Variants in C13orf42 observed in about 807,000 individuals in gnomAD.
C13orf42 encodes the protein chromosome 13 open reading frame 42, also known as uncharacterized protein C13orf42.
chr13:51,126,985 T>C (rs1211398958), intron 1 of C13orf42, among the ~76,000 whole-genome samples: 1 of 152,058 alleles, frequency 6.6e-6, no homozygotes, highest in Non-Finnish European at 1.5e-5. Flanking sequence ...TGTAACATGA[T>C]GAAACCCTTC....
At chr13:51,127,407 G>A (rs1175344324) in intron 1 of C13orf42, among the ~76,000 whole-genome samples, 1 of 152,292 alleles carries the variant, frequency 6.6e-6, no homozygotes, top group Admixed American at 6.5e-5. Context: ...CTTGTCCATA[G>A]CCATACAGCT....
intron 1 of C13orf42, among the ~76,000 whole-genome samples, chr13:51,119,474 G>A (rs1225244790): frequency 6.6e-6 from 1 of 152,072 alleles, no homozygotes. Context: ...CAGAGTGAGA[G>A]GGGAAATCGC....
At chr13:51,113,819 C>T (rs9563022), upstream of C13orf42, among the ~76,000 whole-genome samples, 55,682 of 151,978 alleles carry the variant, frequency 0.37, 10,573 homozygotes, top group South Asian at 0.49. Context: ...TTGTGGAATG[C>T]GGACAAACAT....
intron 1 of C13orf42, chr13:51,162,004 C>G (rs1485508080): frequency 1.7e-5 from 7 of 412,574 alleles, no homozygotes; most frequent in Non-Finnish European, 3.4e-5. Context: ...CCATGCCAAA[C>G]CTACTGAGAA....
intron 1 of C13orf42, among the ~76,000 whole-genome samples, chr13:51,124,008 A>C (rs1276950036): frequency 1.3e-5 from 2 of 152,360 alleles, no homozygotes; most frequent in East Asian, 3.9e-4. Context: ...TCCGGAGGTT[A>C]TAAGATTTGC....
intron 1 of C13orf42, among the ~76,000 whole-genome samples, chr13:51,165,980 T>C (rs1043325310): frequency 5.9e-5 from 9 of 152,224 alleles, no homozygotes; most frequent in Admixed American, 5.2e-4. Flanking sequence ...TTTGCATATA[T>C]TGTCTTACTT....
rs554955949 is a variant in C13orf42 at position 51,147,566 on chromosome 13, C to A, written n.136+24687G>T. ...CCAACATAGTGGAACCCCATCTCTA[C>A]AAAAACACAAAAATTAGCCGGGCAT... On this transcript the variant is annotated intron_variant and non_coding_transcript_variant, in intron 1 of 4. Coordinates refer to the C13orf42 transcript ENST00000433280. Among the ~76,000 whole-genome samples, 6 of 152,032 alleles carry A rather than the reference C, an allele frequency of 3.9e-5. No individual in the cohort carries two copies. In the East Asian group the frequency reaches 9.6e-4, roughly 24 times the overall value.
chr13:51,121,999 A>G (rs1441346923), intron 1 of C13orf42, among the ~76,000 whole-genome samples: 2 of 152,206 alleles, frequency 1.3e-5, no homozygotes, highest in African/African-American at 4.8e-5. Context: ...TATACAATAC[A>G]TTCCCTTTTA....
chr13:51,090,229 A>G (rs1953168108), intron 1 of C13orf42, among the ~76,000 whole-genome samples: 1 of 151,906 alleles, frequency 6.6e-6, no homozygotes, highest in Non-Finnish European at 1.5e-5. Flanking sequence ...TCATTGGCTG[A>G]CTCCGAATTC....
At chr13:51,091,044 T>G (rs996783804) in intron 1 of C13orf42, among the ~76,000 whole-genome samples, 12 of 152,102 alleles carry the variant, frequency 7.9e-5, no homozygotes, top group African/African-American at 2.9e-4. Flanking sequence ...ATTCAAGACT[T>G]GTGTCACTTT....
At chr13:51,112,731 G>C (rs1953447008), upstream of C13orf42, among the ~76,000 whole-genome samples, 1 of 152,168 alleles carries the variant, frequency 6.6e-6, no homozygotes, top group Admixed American at 6.5e-5. Flanking sequence ...CACAGATGAA[G>C]AAGGGGCGCG....
chr13:51,126,369 A>G (rs912042748), intron 1 of C13orf42, among the ~76,000 whole-genome samples: 5 of 152,194 alleles, frequency 3.3e-5, no homozygotes, highest in Non-Finnish European at 7.3e-5. Context: ...CACCTATTCT[A>G]TTAAGAATAA....
At chr13:51,143,722 A>C (rs1953714344) in intron 1 of C13orf42, among the ~76,000 whole-genome samples, 1 of 152,212 alleles carries the variant, frequency 6.6e-6, no homozygotes, top group Non-Finnish European at 1.5e-5. Flanking sequence ...CCAACTTTCC[A>C]AAATCAAATT....
intron 1 of C13orf42, among the ~76,000 whole-genome samples, chr13:51,118,912 A>G (rs1298912111): frequency 6.6e-6 from 1 of 151,968 alleles, no homozygotes; most frequent in African/African-American, 2.4e-5. Flanking sequence ...CAGTATGCCC[A>G]GGTGTACTGT....
chr13:51,161,984 T>A, intron 1 of C13orf42: 1 of 447,108 alleles, frequency 2.2e-6, no homozygotes, highest in Non-Finnish European at 4.4e-6. Flanking sequence ...TTGGCCTTTA[T>A]AGATCTTGTC....
intron 3 of C13orf42, 141 bp from the exon 4 acceptor site, chr13:51,084,466 G>A (rs915488562): frequency 2.8e-5 from 11 of 396,322 alleles, no homozygotes; most frequent in Non-Finnish European, 4.4e-5. Flanking sequence ...ACCAAATGGT[G>A]TCGCCATGGG....
chr13:51,167,812 T>C (rs1248864392), intron 1 of C13orf42, among the ~76,000 whole-genome samples: 8 of 152,254 alleles, frequency 5.3e-5, no homozygotes, highest in Non-Finnish European at 7.3e-5. Flanking sequence ...TACCCAGGTA[T>C]GATGGAAGAT....
intron 1 of C13orf42, among the ~76,000 whole-genome samples, chr13:51,135,373 G>A (rs1953649932): frequency 6.6e-5 from 10 of 152,178 alleles, no homozygotes; most frequent in Non-Finnish European, 1.5e-5. Flanking sequence ...GGGCACAGTG[G>A]TTCACGCCTA....
At chr13:51,123,136 C>T (rs1028877617) in intron 1 of C13orf42, among the ~76,000 whole-genome samples, 2 of 152,170 alleles carry the variant, frequency 1.3e-5, no homozygotes, top group African/African-American at 4.8e-5. Context: ...GAAAAAAGTT[C>T]CTCCCCTCCC....
Sources: allele counts gnomAD v4.1 joint callset (sites outside exome capture counted in the v4.1 genomes callset), GRCh38; gene constraint gnomAD v4.1.1; transcripts MANE v1.5; gene names NCBI Gene and HGNC (gene_info 2026-07-23, HGNC 2026-07-21).